Variants in PRPSAP2 observed in about 807,000 individuals in gnomAD.
The protein encoded by PRPSAP2 is phosphoribosyl pyrophosphate synthetase associated protein 2.
Under a neutral mutation model 40.6 loss-of-function variants are expected in PRPSAP2, and 24 were observed. The ratio of observed to expected loss-of-function variants is 0.59; its 90% CI spans 0.43 to 0.83. The LOEUF (loss-of-function observed/expected upper bound fraction) is 0.83. Ranked by LOEUF, PRPSAP2 falls within the 40% of genes least tolerant of loss-of-function variation. The pLI is 0.00. For missense variants in PRPSAP2, 292 were observed against 465.6 expected, an observed-to-expected ratio of 0.63 and a Z score of 3.43; for synonymous variants, 149 against 164.7, an observed-to-expected ratio of 0.90 and a Z score of 0.73.
chr17:18,882,772 A>G (rs1436865930), intron 7 of PRPSAP2, 89 bp downstream of exon 7: 1 of 830,794 alleles, frequency 1.2e-6, no homozygotes, highest in Non-Finnish European at 2.0e-6. Flanking sequence ...TAAAGGATTA[A>G]AACTTGATGT....
chr17:18,915,148 C>T (rs1158878908), intron 9 of PRPSAP2, among the ~76,000 whole-genome samples: 1 of 151,890 alleles, frequency 6.6e-6, no homozygotes, highest in African/African-American at 2.4e-5. Flanking sequence ...CCTCAGCCTC[C>T]CAAATAGCTG....
intron 4 of PRPSAP2, among the ~76,000 whole-genome samples, chr17:18,872,288 A>AG (rs1223316758): frequency 1.3e-5 from 2 of 151,972 alleles, no homozygotes; most frequent in East Asian, 1.9e-4. Flanking sequence ...AAAAAAAAAA[A>AG]AAGTTACCAT....
chr17:18,892,127 T>A (rs1460006041), intron 8 of PRPSAP2, among the ~76,000 whole-genome samples: 1 of 152,234 alleles, frequency 6.6e-6, no homozygotes, highest in East Asian at 1.9e-4. Context: ...AGTGCTGGGA[T>A]TACAGGCGTG....
chr17:18,875,148 C>A (rs542167457), intron 5 of PRPSAP2, among the ~76,000 whole-genome samples: 1 of 152,138 alleles, frequency 6.6e-6, no homozygotes, highest in Non-Finnish European at 1.5e-5. Context: ...ATTTTCTCTC[C>A]GTGTCTCATT....
intron 8 of PRPSAP2, among the ~76,000 whole-genome samples, chr17:18,894,416 C>T (rs1426367245): frequency 1.3e-5 from 2 of 151,762 alleles, no homozygotes; most frequent in Non-Finnish European, 2.9e-5. Flanking sequence ...GCCTCGGCAT[C>T]CCAAAGTGTT....
At chr17:18,897,604 G>A (rs1350984894) in intron 8 of PRPSAP2, among the ~76,000 whole-genome samples, 1 of 152,074 alleles carries the variant, frequency 6.6e-6, no homozygotes, top group Non-Finnish European at 1.5e-5. Context: ...TGGGATTACA[G>A]GCTCCCATCT....
At chr17:18,861,747 C>G (rs911125671) in intron 1 of PRPSAP2, among the ~76,000 whole-genome samples, 1 of 152,132 alleles carries the variant, frequency 6.6e-6, no homozygotes, top group Non-Finnish European at 1.5e-5. Flanking sequence ...AAAAAATATA[C>G]AAAGGCAGGA....
chr17:18,918,714 C>T (rs2041509442), intron 9 of PRPSAP2, among the ~76,000 whole-genome samples: 1 of 152,174 alleles, frequency 6.6e-6, no homozygotes, highest in Admixed American at 6.5e-5. Flanking sequence ...AGCTTGATCT[C>T]TTGGGCTATG....
intron 3 of PRPSAP2, 131 bp from the exon 4 acceptor site, chr17:18,867,151 G>C (rs2037490481): frequency 1.0e-6 from 1 of 955,450 alleles, no homozygotes; most frequent in Non-Finnish European, 1.5e-6. Flanking sequence ...ATTTAATGTT[G>C]ACTTTAAATT....
intron 7 of PRPSAP2, among the ~76,000 whole-genome samples, chr17:18,886,950 T>C (rs1015502407): frequency 7.0e-6 from 1 of 143,588 alleles, no homozygotes; most frequent in Non-Finnish European, 1.5e-5. Flanking sequence ...TTTTTTTTTT[T>C]TTTGAGACGG....
intron 1 of PRPSAP2, among the ~76,000 whole-genome samples, chr17:18,862,134 T>G (rs1188837726): frequency 1.3e-5 from 2 of 152,168 alleles, no homozygotes; most frequent in Non-Finnish European, 2.9e-5. Context: ...GTAATCCGCC[T>G]GCCTCGCTCT....
chr17:18,879,988 C>T (rs1021128109), intron 6 of PRPSAP2, among the ~76,000 whole-genome samples: 9 of 152,082 alleles, frequency 5.9e-5, no homozygotes, highest in African/African-American at 1.2e-4. Context: ...CCCAGCTACT[C>T]GGGAGTCTGA....
At chr17:18,869,173 A>G (rs1028422114) in intron 4 of PRPSAP2, among the ~76,000 whole-genome samples, 1 of 152,048 alleles carries the variant, frequency 6.6e-6, no homozygotes, top group Non-Finnish European at 1.5e-5. Context: ...AGGGAGAGAA[A>G]ATACTTGGTG....
intron 5 of PRPSAP2, among the ~76,000 whole-genome samples, chr17:18,873,287 G>A (rs1197622101): frequency 1.4e-5 from 2 of 143,096 alleles, no homozygotes; most frequent in Admixed American, 7.4e-5. Context: ...TCAGCTTACC[G>A]CAACCTCTGC....
At chr17:18,869,999 C>G (rs1167776492) in intron 4 of PRPSAP2, among the ~76,000 whole-genome samples, 2 of 151,896 alleles carry the variant, frequency 1.3e-5, no homozygotes, top group African/African-American at 4.8e-5. Flanking sequence ...AGGTGTGTGC[C>G]AGCACGCCCG....
At chr17:18,902,263 A>G (rs530650650) in intron 8 of PRPSAP2, among the ~76,000 whole-genome samples, 2 of 152,318 alleles carry the variant, frequency 1.3e-5, no homozygotes, top group Admixed American at 1.3e-4. Flanking sequence ...GGCTTTTGTC[A>G]GTGATGTTTG....
At position 18,916,823 on chromosome 17, in the gene PRPSAP2, G is replaced by A. The variant is rs147043842; in HGVS notation, c.733+5572G>A. Reference sequence around the variant, plus strand: ...GTGGCACCTTGTTACTGTGTCCTCAGATGGTGGAAGGAGCAAGGCAGCTCT... The same window carrying A: ...GTGGCACCTTGTTACTGTGTCCTCAAATGGTGGAAGGAGCAAGGCAGCTCT... On this transcript the variant is annotated intron_variant, in intron 9 of 11. Coordinates refer to ENST00000268835, the MANE Select transcript of PRPSAP2 (RefSeq NM_002767.4). 2.0e-5 allele frequency among the ~76,000 whole-genome samples: 3 copies of A among 152,354 alleles called. No individual in the cohort carries two copies. In the East Asian group the frequency reaches 5.8e-4, roughly 29 times the overall value.
Position 18,882,570 on chromosome 17 carries a change from C to T in PRPSAP2, c.415C>T (p.Leu139=), listed in dbSNP as rs80293494. Residue 139 remains leucine, a splice_region_variant and synonymous_variant, in exon 7 of 12, where the codon CTA becomes TTA. Coordinates refer to ENST00000268835, the MANE Select transcript of PRPSAP2 (RefSeq NM_002767.4). ...TTGTGTCTGCTTTATTTTCAAAGGT[C>T]TAACTCATCTTATTACTATGGATTT... is the stretch of plus-strand genomic sequence containing the variant. ...LLASMMCKAG[L]THLITMDLHQ... 2.0e-3 allele frequency: 3,097 copies of T among 1,540,258 alleles called. 45 individuals carry two copies. The African/African-American group carries it at 0.037, about 19-fold the overall frequency.
chr17:18,885,360 G>A (rs2039053141), intron 7 of PRPSAP2, among the ~76,000 whole-genome samples: 1 of 121,844 alleles, frequency 8.2e-6, no homozygotes, highest in Non-Finnish European at 1.6e-5. Flanking sequence ...GGTCGAGGCT[G>A]CATCAAGCCG....
Sources: allele counts gnomAD v4.1 joint callset (sites outside exome capture counted in the v4.1 genomes callset), GRCh38; gene constraint gnomAD v4.1.1; transcripts MANE v1.5; gene names NCBI Gene and HGNC (gene_info 2026-07-23, HGNC 2026-07-21).